The following ACSL1 variants were observed in gnomAD, a reference collection of about 807,000 sequenced individuals.
ACSL1 encodes the protein long-chain-fatty-acid--CoA ligase 1.
In ACSL1, 41 loss-of-function variants were observed where a neutral mutation model predicts 98.4. That is an observed-to-expected ratio of 0.42 (90% CI 0.32 to 0.54). The LOEUF (loss-of-function observed/expected upper bound fraction) is 0.54, where lower values mean the gene tolerates loss of function less well. ACSL1 is among the 20% of genes least tolerant of loss of function. The pLI, the probability that ACSL1 is intolerant of heterozygous loss-of-function variation, is 0.13. For missense variants in ACSL1, 734 were observed against 883.1 expected (o/e 0.83, Z 2.14); for synonymous variants, 316 against 322.7 (o/e 0.98, Z 0.22).
chr4:184,757,747 G>C lies in ACSL1; in HGVS notation c.1885-41C>G, dbSNP rs1397787635. The C allele has an allele frequency of 6.2e-7, 1 of 1,610,872 alleles. No homozygotes were observed. On this transcript the variant is annotated intron_variant, in intron 19 of 20. Transcript: ENST00000281455. This position sits in a 1 kb window ranked among gnomAD's most constrained non-coding sequence, Gnocchi z 4.5. ...AAATAAATTACTTCCTCTGTTAGAG[G>C]TCCCTGAATATCTACAGGTACATTT...
At chr4:184,767,663 T>C (rs538778666) in intron 12 of ACSL1, among the ~76,000 whole-genome samples, 14 of 152,250 alleles carry the variant, frequency 9.2e-5, no homozygotes, top group African/African-American at 2.4e-4. Flanking sequence ...GTTGATAAAG[T>C]TGTCCTTTTA....
intron 11 of ACSL1, among the ~76,000 whole-genome samples, chr4:184,768,672 A>G (rs1272670361): frequency 2.0e-5 from 3 of 152,226 alleles, no homozygotes; most frequent in African/African-American, 7.2e-5. Context: ...GGGACTCAGT[A>G]AAAAACCAGG....
chr4:184,808,137 G>A (rs1039126626), intron 1 of ACSL1, among the ~76,000 whole-genome samples: 1 of 152,104 alleles, frequency 6.6e-6, no homozygotes, highest in Non-Finnish European at 1.5e-5. Context: ...TATACACAAA[G>A]GTTCACCTCT....
upstream of ACSL1, chr4:184,826,105 G>GGCCCC (rs1033549272): frequency 6.8e-6 from 1 of 146,602 alleles, no homozygotes; most frequent in African/African-American, 2.5e-5. Context: ...GCCCTCCCGC[G>GGCCCC]GCCCCGCCCC....
intron 3 of ACSL1, among the ~76,000 whole-genome samples, chr4:184,784,418 A>G (rs1256539341): frequency 6.6e-6 from 1 of 152,218 alleles, no homozygotes; most frequent in Admixed American, 6.5e-5. Flanking sequence ...AGAATACGGA[A>G]AGGAAAATAT....
rs1762387498 is a variant in ACSL1 at position 184,758,292 on chromosome 4, C to T, written c.1783-372G>A. 1.5e-5 allele frequency: 3 copies of T among 205,098 alleles called. No homozygotes were observed. In the South Asian group the frequency reaches 2.2e-4, roughly 15 times the overall value. The allele number at this position is 205,098 out of a possible 1,614,324, so 12.7% of individuals were successfully genotyped here. A position where few individuals can be genotyped will look rare whatever the true frequency, so the allele number is the denominator to read the frequency against. On this transcript the variant is annotated intron_variant, in intron 18 of 20. Coordinates refer to ENST00000281455, the MANE Select transcript of ACSL1 (RefSeq NM_001995.5). ...AAAAAAGGAAAAAAAGGAAGCCTGT[C>T]TCATGCTTGTAATCCTAGCACGTTG... is the stretch of plus-strand genomic sequence containing the variant.
In ACSL1 at chr4:184,811,120, GT is replaced by G. The variant is rs553263210; in HGVS notation, c.-32-7575del. 1.2e-4 allele frequency among the ~76,000 whole-genome samples: 18 copies of G among 151,518 alleles called. No individual in the cohort carries two copies. In the East Asian group the frequency reaches 3.1e-3, roughly 26 times the overall value. Reference sequence around the variant, plus strand: ...ATGCACAATGCTTTTTTTTTGTTTTGTTTTTTGAGACAGAGTCTCACTTTGT... The same window carrying G: ...ATGCACAATGCTTTTTTTTTGTTTTGTTTTTGAGACAGAGTCTCACTTTGT... On this transcript the variant is annotated intron_variant, in intron 1 of 20. Transcript: ENST00000281455.
rs541814159 is a variant in ACSL1, at chr4:184,780,304, T to C, written c.477+28A>G. Reference sequence around the variant, plus strand: ...TTATATCTGAGAATTCTCAAAATCATGCATAGCAAGTACCTACTGGTTCAT... The same window carrying C: ...TTATATCTGAGAATTCTCAAAATCACGCATAGCAAGTACCTACTGGTTCAT... On this transcript the variant is annotated intron_variant, in intron 5 of 20. Coordinates refer to ENST00000281455, the MANE Select transcript of ACSL1 (RefSeq NM_001995.5). The C allele has an allele frequency of 3.8e-6, 6 of 1,567,532 alleles. No homozygotes were observed. The East Asian group carries it at 6.7e-5, about 18-fold the overall frequency.
intron 1 of ACSL1, among the ~76,000 whole-genome samples, chr4:184,811,214 T>C (rs978607774): frequency 6.6e-6 from 1 of 152,122 alleles, no homozygotes; most frequent in East Asian, 1.9e-4. Context: ...GTTCACGCCA[T>C]TCTCCCACCT....
chr4:184,762,572 A>G (rs1162572688), intron 16 of ACSL1, 49 bp from the exon 17 acceptor site: 1 of 1,532,692 alleles, frequency 6.5e-7, no homozygotes, highest in Non-Finnish European at 9.0e-7. Flanking sequence ...GGGTTTTTCC[A>G]GAGAAAACTG....
At chr4:184,759,409 A>G (rs4577621) in intron 18 of ACSL1, among the ~76,000 whole-genome samples, 18,491 of 152,242 alleles carry the variant, frequency 0.12, 1,458 homozygotes, top group Non-Finnish European at 0.17. Context: ...CAACCTACAG[A>G]ACGGGAGAAA....
At chr4:184,802,314 G>GCA (rs779742692) in intron 2 of ACSL1, among the ~76,000 whole-genome samples, 49 of 152,246 alleles carry the variant, frequency 3.2e-4, no homozygotes, top group Admixed American at 1.8e-3. Flanking sequence ...GCTGACTCCA[G>GCA]CCAGGGCTTT....
In ACSL1 at chr4:184,756,510, A is replaced by T. The variant is rs1318820130; in HGVS notation, c.*615T>A. On this transcript the variant is annotated 3_prime_UTR_variant, in exon 21 of 21. Coordinates refer to ENST00000281455, the MANE Select transcript of ACSL1 (RefSeq NM_001995.5). ...TTGGATCTGCCCTCCCGCTTACTGG[A>T]AACCTTATGCTCCAACAGAAACCAC... The T allele has an allele frequency of 6.6e-6, 1 of 152,618 alleles. No individual in the cohort carries two copies. The highest frequency in any genetic ancestry group is 2.4e-5 in the African/African-American group (1 of 41,448). The allele number at this position is 152,618 out of a possible 1,614,324, so 9.5% of individuals were successfully genotyped here.
At chr4:184,783,079 C>G (rs370246160) in intron 4 of ACSL1, among the ~76,000 whole-genome samples, 1 of 152,214 alleles carries the variant, frequency 6.6e-6, no homozygotes, top group East Asian at 1.9e-4. Context: ...TGTGTGGAAG[C>G]AGCAGGCAGC....
At chr4:184,807,961 G>A (rs908852032) in intron 1 of ACSL1, among the ~76,000 whole-genome samples, 2 of 152,132 alleles carry the variant, frequency 1.3e-5, no homozygotes, top group Admixed American at 6.6e-5. Context: ...CCCAACCCAG[G>A]TTAGGAACCA....
rs1762364223 is a variant in ACSL1, at chr4:184,758,122, G to A, written c.1783-202C>T. On this transcript the variant is annotated intron_variant, in intron 18 of 20. Coordinates refer to ENST00000281455, the MANE Select transcript of ACSL1 (RefSeq NM_001995.5). ...TGGCTCTAAAATGTGGTAAGCATCA[G>A]GAATTTTGCAATTAATGTTTTTAAA... is the stretch of plus-strand genomic sequence containing the variant. 7.6e-6 allele frequency: 4 copies of A among 528,464 alleles called. No homozygotes were observed. The South Asian group carries it at 1.2e-4, about 15-fold the overall frequency. The allele number at this position is 528,464 out of a possible 1,614,324, so 32.7% of individuals were successfully genotyped here.
At position 184,794,162 on chromosome 4, in the gene ACSL1, T is replaced by A. The variant is rs549093925; in HGVS notation, c.196-5431A>T. 2.0e-5 allele frequency among the ~76,000 whole-genome samples: 3 copies of A among 152,310 alleles called. No homozygotes were observed. The South Asian group carries it at 6.2e-4, about 32-fold the overall frequency. On this transcript the variant is annotated intron_variant, in intron 2 of 20. Transcript: ENST00000281455. ...TCTCAGCATTTACATTTTACACGCA[T>A]CTTAGCCTGCTCAGAACTCCATCAT...
chr4:184,785,507 C>T (rs1386733353), intron 3 of ACSL1, among the ~76,000 whole-genome samples: 1 of 150,328 alleles, frequency 6.7e-6, no homozygotes, highest in Admixed American at 6.7e-5. Context: ...CTTCTGACCC[C>T]TTATCCAAGT....
intron 12 of ACSL1, among the ~76,000 whole-genome samples, chr4:184,767,034 C>G (rs1281552749): frequency 6.6e-6 from 1 of 152,166 alleles, no homozygotes; most frequent in Non-Finnish European, 1.5e-5. Flanking sequence ...GTATTCCCAG[C>G]ACTTTGGGAG....
Sources: allele counts gnomAD v4.1 joint callset (sites outside exome capture counted in the v4.1 genomes callset), GRCh38; gene constraint gnomAD v4.1.1; non-coding constraint Gnocchi (gnomAD v3.1); transcripts MANE v1.5; gene names NCBI Gene and HGNC (gene_info 2026-07-23, HGNC 2026-07-21).